DDX50: variants seen among roughly 807,000 people sequenced by gnomAD.
DDX50 encodes ATP-dependent RNA helicase DDX50.
DDX50 carries 56 observed loss-of-function variants against 94.8 expected under a neutral mutation model. The ratio of observed to expected loss-of-function variants is 0.59; its 90% confidence interval spans 0.48 to 0.74. The LOEUF is 0.74. DDX50 is among the 30% of genes least tolerant of loss of function. The probability of loss-of-function intolerance (pLI) is 0.00; values close to 1 mark genes in which losing one functional copy is unlikely to be tolerated. For synonymous variants in DDX50, 264 were observed against 295.4 expected (o/e 0.89, Z 1.09); for missense variants, 713 against 881.2 (o/e 0.81, Z 2.42).
At chr10:68,913,092 A>T in intron 4 of DDX50, 70 bp from the exon 5 acceptor site, 11 of 1,283,262 alleles carry the variant, frequency 8.6e-6, no homozygotes, top group Non-Finnish European at 1.1e-5. Flanking sequence ...ACCTAAAAAA[A>T]GTCTTCTTGG....
At chr10:68,930,653 TTTTG>T (rs1842239628) in intron 8 of DDX50, among the ~76,000 whole-genome samples, 1 of 149,758 alleles carries the variant, frequency 6.7e-6, no homozygotes, top group Non-Finnish European at 1.5e-5. Flanking sequence ...CATGCCATGG[TTTTG>T]TTTTTTTTGG....
intron 14 of DDX50, 35 bp downstream of exon 14, chr10:68,943,292 T>G (rs1210112394): frequency 6.6e-7 from 1 of 1,524,062 alleles, no homozygotes; most frequent in Non-Finnish European, 9.0e-7. Context: ...AATGGTTGAG[T>G]ACATTCTCTA....
rs748971801 is a variant in DDX50, at chr10:68,913,244, C to T, written c.722C>T (p.Ala241Val). 23 of 1,612,956 alleles carry T rather than the reference C, an allele frequency of 1.4e-5. No individual in the cohort carries two copies. The highest frequency in any genetic ancestry group is 1.9e-5 in the Non-Finnish European group (23 of 1,179,792). ...GATATAACTAGGAAACTCAGCGTGG[C>T]GTGTTTTTATGGTGGAACATCATAT... is the stretch of plus-strand genomic sequence containing the variant. ...FKDITRKLSVACFYGGTSYQS... is the reference protein window; with the variant it reads ...FKDITRKLSVVCFYGGTSYQS... The change falls in exon 5 of 15, where the codon GCG (alanine) becomes GTG (valine). Residue 241 changes from alanine (A) to valine (V), a missense_variant. Coordinates refer to ENST00000373585, the MANE Select transcript of DDX50 (RefSeq NM_024045.2).
intron 14 of DDX50, among the ~76,000 whole-genome samples, chr10:68,945,182 G>A (rs1160824865): frequency 1.3e-5 from 2 of 151,882 alleles, no homozygotes; most frequent in Admixed American, 1.3e-4. Context: ...CAAAAGGTTT[G>A]TGCCTTTTTT....
At position 68,934,061 on chromosome 10, in the gene DDX50, T is replaced by C; in HGVS notation, c.1240-138T>C. 2.6e-6 allele frequency: 2 copies of C among 774,154 alleles called. No individual in the cohort carries two copies. Among genetic ancestry groups the C allele is most frequent in the South Asian group, 3.6e-5 (1 of 27,782 alleles). 48.0% of individuals were successfully genotyped at this position (774,154 alleles called of 1,614,324 possible). A position where few individuals can be genotyped will look rare whatever the true frequency, so the allele number is the denominator to read the frequency against. ...TTTTCTGTCATGTTTGACTTTTTTT[T>C]TTTACAGTAAGCATGCATTGTTAAA... On this transcript the variant is annotated intron_variant, in intron 8 of 14. Transcript: ENST00000373585. This position sits in a 1 kb window ranked among gnomAD's most constrained non-coding sequence, Gnocchi z 4.0.
rs1841620254 is a variant in DDX50, at chr10:68,911,277, T to C, written c.639+31T>C. On this transcript the variant is annotated intron_variant, in intron 4 of 14. Transcript: ENST00000373585. ...CGTTATAGGGGGTAAAAGCTTTAAA[T>C]GTTACTCTAACAGAAAGGGAAAGAA... is the stretch of plus-strand genomic sequence containing the variant. The C allele has an allele frequency of 2.7e-6, 4 of 1,488,258 alleles. No homozygotes were observed. In the East Asian group the frequency reaches 9.5e-5, roughly 35 times the overall value. 92.2% of individuals were successfully genotyped at this position (1,488,258 alleles called of 1,614,324 possible).
chr10:68,943,260 A>AT lies in DDX50; in HGVS notation c.1935+8dup. On this transcript the variant is annotated splice_donor_region_variant and intron_variant, in intron 14 of 14. Transcript: ENST00000373585. Reference sequence around the variant, plus strand: ...CAACTGAGTCAGAAAGGTTACAGGTATTTTTAAAATTTTATCTTTTAAATG... The same window carrying AT: ...CAACTGAGTCAGAAAGGTTACAGGTATTTTTTAAAATTTTATCTTTTAAATG... The AT allele has an allele frequency of 6.2e-7, 1 of 1,602,614 alleles. No homozygotes were observed. The highest frequency in any genetic ancestry group is 8.5e-7 in the Non-Finnish European group (1 of 1,176,446).
Position 68,928,670 on chromosome 10 carries a change from A to C in DDX50, c.1240-5529A>C, listed in dbSNP as rs1003970872. Among the ~76,000 whole-genome samples the C allele has an allele frequency of 2.0e-5, 3 of 152,180 alleles. 1 individual carries two copies. In the East Asian group the frequency reaches 5.8e-4, roughly 29 times the overall value. On this transcript the variant is annotated intron_variant, in intron 8 of 14. Transcript: ENST00000373585. ...ATTGAGTATATGGTAATGATACCCA[A>C]ATCTTTTTCTCACTGGGATCTGCCT...
rs1842372193 is a variant in DDX50, at chr10:68,935,054, A to G, written c.1521+136A>G. ...CTGCATTTGGCTGTGAAGCCTGTGG[A>G]GATCTAAATTTATATTAGCTTCAAG... On this transcript the variant is annotated intron_variant, in intron 10 of 14. Transcript: ENST00000373585. 2.7e-6 allele frequency: 3 copies of G among 1,100,348 alleles called. No homozygotes were observed. In the African/African-American group the frequency reaches 4.8e-5, roughly 18 times the overall value. 68.2% of individuals were successfully genotyped at this position (1,100,348 alleles called of 1,614,324 possible).
intron 2 of DDX50, among the ~76,000 whole-genome samples, chr10:68,907,317 C>CTTTT (rs59316500): frequency 1.5e-5 from 2 of 130,500 alleles, no homozygotes; most frequent in Non-Finnish European, 3.2e-5. Context: ...TTTCTTTTTT[C>CTTTT]TTTTTTTTTT....
intron 8 of DDX50, among the ~76,000 whole-genome samples, chr10:68,921,499 T>C (rs1379096424): frequency 6.6e-6 from 1 of 152,200 alleles, no homozygotes; most frequent in East Asian, 1.9e-4. Context: ...CAGGTTTGTT[T>C]GTTTGTTTGT....
Position 68,934,847 on chromosome 10 carries a change from C to T in DDX50, c.1450C>T (p.Arg484Trp), listed in dbSNP as rs758216487. ...HRSGRTGRAG[R>W]TGICICFYQP... ...CTCTGGACGCACAGGTAGAGCTGGA[C>T]GGACAGGGATTTGTATATGTTTTTA... Residue 484 changes from arginine (R) to tryptophan (W), a missense_variant, in exon 10 of 15, where the codon CGG becomes TGG. Arg to Trp is a moderately radical substitution (Grantham distance 101). Transcript: ENST00000373585. This position sits in a 1 kb window ranked among gnomAD's most constrained non-coding sequence, Gnocchi z 4.0. 6.8e-6 allele frequency: 11 copies of T among 1,612,844 alleles called. No individual in the cohort carries two copies. Among genetic ancestry groups the T allele is most frequent in the Non-Finnish European group, 8.5e-6 (10 of 1,179,500 alleles).
chr10:68,931,345 C>G (rs1226954067), intron 8 of DDX50, among the ~76,000 whole-genome samples: 1 of 145,656 alleles, frequency 6.9e-6, no homozygotes, highest in African/African-American at 2.5e-5. Context: ...CAGGGTCTTG[C>G]TCTGTCACCC....
chr10:68,903,364 T>C lies in DDX50; in HGVS notation c.87+1893T>C, dbSNP rs141028641. ...CTGGCCAACATGGTTAAATCCCATC[T>C]CTGCTAAAAATATAAAAATTGGGCC... On this transcript the variant is annotated intron_variant, in intron 1 of 14. Coordinates refer to ENST00000373585, the MANE Select transcript of DDX50 (RefSeq NM_024045.2). 2.5e-3 allele frequency among the ~76,000 whole-genome samples: 375 copies of C among 151,352 alleles called. 1 individual carries two copies. The highest frequency in any genetic ancestry group is 8.8e-3 in the African/African-American group (362 of 41,160).
At chr10:68,939,960 G>A (rs1842517714) in intron 12 of DDX50, among the ~76,000 whole-genome samples, 1 of 151,868 alleles carries the variant, frequency 6.6e-6, no homozygotes, top group African/African-American at 2.4e-5. Context: ...ACAGTCTGTG[G>A]CACATACGTA....
intron 14 of DDX50, among the ~76,000 whole-genome samples, chr10:68,943,829 G>A (rs1001144683): frequency 6.6e-6 from 1 of 152,126 alleles, no homozygotes; most frequent in African/African-American, 2.4e-5. Flanking sequence ...CTCCCACTTT[G>A]ACCTTCCAAA....
rs372157152 is a variant in DDX50 at position 68,936,891 on chromosome 10, T to C, written c.1596-45T>C. On this transcript the variant is annotated intron_variant, in intron 11 of 14. Coordinates refer to ENST00000373585, the MANE Select transcript of DDX50 (RefSeq NM_024045.2). ...TTCCCATTTTTCTTCTTATCTTTTA[T>C]TTTTTCCCTATGTCTTGACCAAGAA... 149 of 1,511,330 alleles carry C rather than the reference T, an allele frequency of 9.9e-5. No individual in the cohort carries two copies. The African/African-American group carries it at 1.9e-3, about 19-fold the overall frequency. The allele number at this position is 1,511,330 out of a possible 1,614,324, so 93.6% of individuals were successfully genotyped here.
At chr10:68,909,154 T>TA (rs1325113860) in intron 2 of DDX50, among the ~76,000 whole-genome samples, 2 of 152,264 alleles carry the variant, frequency 1.3e-5, no homozygotes, top group South Asian at 4.2e-4. Context: ...TAATTTTTTT[T>TA]ATCATAAAAA....
intron 8 of DDX50, among the ~76,000 whole-genome samples, chr10:68,925,384 A>C (rs1410521049): frequency 6.6e-6 from 1 of 151,906 alleles, no homozygotes; most frequent in Non-Finnish European, 1.5e-5. Flanking sequence ...TGCTGGGATT[A>C]CAGGCATGAG....
Sources: allele counts gnomAD v4.1 joint callset (sites outside exome capture counted in the v4.1 genomes callset), GRCh38; gene constraint gnomAD v4.1.1; non-coding constraint Gnocchi (gnomAD v3.1); transcripts MANE v1.5; gene names NCBI Gene and HGNC (gene_info 2026-07-23, HGNC 2026-07-21).